SNX24: variants seen among roughly 807,000 people sequenced by gnomAD.
The protein encoded by SNX24 is sorting nexin-24.
A neutral mutation model predicts 28.7 loss-of-function variants in SNX24; 22 were observed. That is an observed-to-expected ratio of 0.77 (90% CI 0.55 to 1.10). The LOEUF (loss-of-function observed/expected upper bound fraction) is 1.10. Ranked by LOEUF, SNX24 falls within the 50% of genes least tolerant of loss-of-function variation. SNX24 has a pLI of 0.00. For synonymous variants in SNX24, 69 were observed against 71.5 expected (o/e 0.96, Z 0.18); for missense variants, 221 against 201.1 (o/e 1.10, Z -0.60).
chr5:122,903,988 G>A (rs1757543202), intron 1 of SNX24, among the ~76,000 whole-genome samples: 1 of 152,038 alleles, frequency 6.6e-6, no homozygotes, highest in South Asian at 2.1e-4. Flanking sequence ...ATAAATGTAT[G>A]TTATGTCTAA....
At chr5:122,927,264 C>A (rs1177229415) in intron 1 of SNX24, among the ~76,000 whole-genome samples, 1 of 152,180 alleles carries the variant, frequency 6.6e-6, no homozygotes, top group Admixed American at 6.5e-5. Context: ...ACATAAGATT[C>A]AAATCCAAGG....
intron 5 of SNX24, chr5:123,025,745 A>T (rs896270037): frequency 1.3e-6 from 2 of 1,576,258 alleles, no homozygotes; most frequent in Non-Finnish European, 1.7e-6. Context: ...TCTCAATAAA[A>T]ATATAAAGCT....
At chr5:122,926,837 A>G (rs1400225666) in intron 1 of SNX24, among the ~76,000 whole-genome samples, 2 of 152,240 alleles carry the variant, frequency 1.3e-5, no homozygotes, top group African/African-American at 4.8e-5. Flanking sequence ...ATGAATGGGC[A>G]TCGGCAGAGG....
intron 3 of SNX24, among the ~76,000 whole-genome samples, chr5:122,994,249 T>C (rs929323980): frequency 2.0e-5 from 3 of 152,234 alleles, no homozygotes; most frequent in African/African-American, 7.2e-5. Flanking sequence ...GATTTCACTG[T>C]GTTCTCAGTG....
At chr5:122,995,645 A>G (rs1218401857) in intron 3 of SNX24, among the ~76,000 whole-genome samples, 1 of 152,244 alleles carries the variant, frequency 6.6e-6, no homozygotes, top group Admixed American at 6.5e-5. Flanking sequence ...TGCCTCTCAC[A>G]GTATTTCACT....
At chr5:122,951,236 CAGCCTGGGCG>C (rs1759922589) in intron 3 of SNX24, among the ~76,000 whole-genome samples, 1 of 130,868 alleles carries the variant, frequency 7.6e-6, no homozygotes, top group Non-Finnish European at 1.5e-5. Flanking sequence ...CACTGCACTC[CAGCCTGGGCG>C]ACAGAGTGAG....
At chr5:123,026,042 T>G in intron 5 of SNX24, 129 of 1,245,320 alleles carry the variant, frequency 1.0e-4, no homozygotes, top group Non-Finnish European at 1.2e-4. Context: ...CATAAGGCCT[T>G]AGAGGAATCA....
intron 1 of SNX24, among the ~76,000 whole-genome samples, chr5:122,892,890 C>G (rs1757034399): frequency 6.6e-6 from 1 of 151,968 alleles, no homozygotes; most frequent in African/African-American, 2.4e-5. Flanking sequence ...CTCAGTCTCC[C>G]TAGTAGCTGG....
chr5:122,899,904 A>G (rs1757359028), intron 1 of SNX24, among the ~76,000 whole-genome samples: 3 of 152,238 alleles, frequency 2.0e-5, no homozygotes, highest in African/African-American at 7.2e-5. Context: ...TGGAAAACCC[A>G]AGGACTTTAG....
intron 1 of SNX24, among the ~76,000 whole-genome samples, chr5:122,936,149 C>A (rs1428719181): frequency 6.6e-6 from 1 of 152,198 alleles, no homozygotes; most frequent in Non-Finnish European, 1.5e-5. Context: ...GCTAGGAGCA[C>A]AAGCTGTCAC....
intron 3 of SNX24, among the ~76,000 whole-genome samples, chr5:122,991,626 A>AT (rs1473389494): frequency 6.6e-6 from 1 of 151,822 alleles, no homozygotes; most frequent in African/African-American, 2.4e-5. Context: ...CACCCAGCTA[A>AT]TTTTTTGTAT....
intron 3 of SNX24, among the ~76,000 whole-genome samples, chr5:122,964,192 G>A (rs537486101): frequency 7.3e-6 from 1 of 136,106 alleles, no homozygotes. Context: ...GCAGTGAGCC[G>A]AGATCCTGCC....
At position 122,951,389 on chromosome 5, in the gene SNX24, G is replaced by A. The variant is rs1017223740; in HGVS notation, c.249+5230G>A. 9.2e-4 allele frequency among the ~76,000 whole-genome samples: 138 copies of A among 149,922 alleles called. 1 individual carries two copies. Among genetic ancestry groups the A allele is most frequent in the Middle Eastern group, 3.5e-3 (1 of 288 alleles). On this transcript the variant is annotated intron_variant, in intron 3 of 6. Coordinates refer to ENST00000261369, the MANE Select transcript of SNX24 (RefSeq NM_014035.4). ...ATTTTAAAAATATAAAATAATATTT[G>A]CTCATTAACACAATTACTTTTACAT... is the stretch of plus-strand genomic sequence containing the variant.
intron 3 of SNX24, among the ~76,000 whole-genome samples, chr5:122,990,966 G>T (rs1347173514): frequency 1.3e-5 from 2 of 152,052 alleles, no homozygotes; most frequent in African/African-American, 4.8e-5. Context: ...GCCCTATCTT[G>T]GCTTACTGCA....
At chr5:122,892,644 G>C (rs1410236851) in intron 1 of SNX24, among the ~76,000 whole-genome samples, 2 of 151,856 alleles carry the variant, frequency 1.3e-5, no homozygotes, top group African/African-American at 4.8e-5. Flanking sequence ...CACCGTGTTG[G>C]CCAGGCTGCT....
At chr5:122,893,195 C>A (rs1478956044) in intron 1 of SNX24, among the ~76,000 whole-genome samples, 2 of 151,076 alleles carry the variant, frequency 1.3e-5, no homozygotes, top group African/African-American at 2.4e-5. Flanking sequence ...TTTTCTATTA[C>A]TGTCATCATT....
intron 3 of SNX24, among the ~76,000 whole-genome samples, chr5:122,976,146 A>G (rs1761152043): frequency 6.6e-6 from 1 of 152,152 alleles, no homozygotes; most frequent in African/African-American, 2.4e-5. Context: ...AAGATGTCCA[A>G]CACCTATGGC....
At chr5:122,851,779 A>G (rs1210451743) in intron 1 of SNX24, among the ~76,000 whole-genome samples, 1 of 152,172 alleles carries the variant, frequency 6.6e-6, no homozygotes, top group East Asian at 1.9e-4. Context: ...TCAATATTTT[A>G]TAATTCTTTC....
chr5:122,943,771 A>T (rs1759563743), intron 2 of SNX24, among the ~76,000 whole-genome samples: 1 of 152,234 alleles, frequency 6.6e-6, no homozygotes, highest in Non-Finnish European at 1.5e-5. Flanking sequence ...ACATAGTCAC[A>T]GGTCCCACTC....
Sources: gnomAD v4.1 joint callset for allele counts (sites outside exome capture counted in the v4.1 genomes callset) on GRCh38, gnomAD v4.1.1 for gene constraint, MANE v1.5 for transcripts, NCBI Gene and HGNC (gene_info 2026-07-23, HGNC 2026-07-21) for gene names.